The following EPB41L2 variants were observed in gnomAD, a reference collection of about 807,000 sequenced individuals.
The protein encoded by EPB41L2 is erythrocyte membrane protein band 4.1 like 2, also known as band 4.1-like protein 2.
In EPB41L2, 43 loss-of-function variants were observed where a neutral mutation model predicts 113.0. The observed-to-expected ratio is 0.38, with a 90% CI of 0.30 to 0.49. EPB41L2 has a LOEUF of 0.49. EPB41L2 is among the 20% of genes least tolerant of loss of function. The pLI is 0.95. For synonymous variants in EPB41L2, 442 were observed against 436.7 expected, an observed-to-expected ratio of 1.01 and a Z score of -0.15; for missense variants, 1,147 against 1,223.4, an observed-to-expected ratio of 0.94 and a Z score of 0.93.
intron 3 of EPB41L2, among the ~76,000 whole-genome samples, chr6:130,954,328 C>T (rs1816660430): frequency 6.6e-6 from 1 of 152,100 alleles, no homozygotes; most frequent in East Asian, 1.9e-4. Flanking sequence ...GCTGGGATTA[C>T]AGGCTTGAGC....
At chr6:130,976,730 A>G (rs917031855) in intron 1 of EPB41L2, among the ~76,000 whole-genome samples, 1 of 152,252 alleles carries the variant, frequency 6.6e-6, no homozygotes, top group Admixed American at 6.5e-5. Context: ...TACAAAAGTC[A>G]AAAGCACCAC....
chr6:130,864,997 T>C (rs764115281), intron 17 of EPB41L2, among the ~76,000 whole-genome samples: 2 of 152,220 alleles, frequency 1.3e-5, no homozygotes, highest in Non-Finnish European at 2.9e-5. Context: ...GGCCACGCTA[T>C]TTATACTTCT....
intron 1 of EPB41L2, among the ~76,000 whole-genome samples, chr6:131,057,650 C>T (rs985812152): frequency 2.6e-5 from 4 of 152,114 alleles, no homozygotes; most frequent in African/African-American, 9.7e-5. Context: ...AGTTGGTAAT[C>T]AGAACTATAT....
At chr6:130,897,917 G>C (rs559337135) in intron 8 of EPB41L2, among the ~76,000 whole-genome samples, 13 of 151,814 alleles carry the variant, frequency 8.6e-5, no homozygotes, top group African/African-American at 3.1e-4. Flanking sequence ...AAATGAGATG[G>C]TATGAAAGTA....
intron 1 of EPB41L2, among the ~76,000 whole-genome samples, chr6:131,009,407 G>A (rs532157364): frequency 3.2e-4 from 48 of 152,204 alleles, no homozygotes; most frequent in African/African-American, 1.1e-3. Flanking sequence ...ATAGCAGCAT[G>A]AGAACAGACT....
chr6:130,953,664 T>TAAA (rs60036274), intron 3 of EPB41L2, among the ~76,000 whole-genome samples: 1 of 147,938 alleles, frequency 6.8e-6, no homozygotes, highest in East Asian at 2.0e-4. Flanking sequence ...CTTAAAGTAT[T>TAAA]AAAAAAAAAA....
intron 3 of EPB41L2, among the ~76,000 whole-genome samples, chr6:130,953,675 C>CA (rs890616079): frequency 6.7e-6 from 1 of 150,068 alleles, no homozygotes; most frequent in South Asian, 2.1e-4. Flanking sequence ...AAAAAAAAAA[C>CA]AAAAAAGAGG....
At chr6:131,028,221 T>C (rs549663037) in intron 1 of EPB41L2, among the ~76,000 whole-genome samples, 2 of 152,314 alleles carry the variant, frequency 1.3e-5, no homozygotes, top group East Asian at 3.9e-4. Context: ...AAAATGATTA[T>C]TAGGCCACTT....
intron 19 of EPB41L2, among the ~76,000 whole-genome samples, chr6:130,852,189 T>G (rs1018219182): frequency 6.6e-6 from 1 of 152,178 alleles, no homozygotes; most frequent in African/African-American, 2.4e-5. Context: ...GCTTCTATTA[T>G]CATCCCCAGT....
chr6:130,869,756 G>C lies in EPB41L2; in HGVS notation c.2414C>G (p.Ala805Gly), dbSNP rs1785032043. 6.2e-7 allele frequency: 1 copy of C among 1,614,038 alleles called. No homozygotes were observed. Among genetic ancestry groups the C allele is most frequent in the Non-Finnish European group, 8.5e-7 (1 of 1,180,008 alleles). ...CACTGTTTCTACTGTGATTACACTGGCACCTGCTTGTGTGACTGGGCTGGC... is the reference window on the plus strand; with the variant it reads ...CACTGTTTCTACTGTGATTACACTGCCACCTGCTTGTGTGACTGGGCTGGC... ...PEASPVTQAGASVITVETVIQ... is the reference protein window; with the variant it reads ...PEASPVTQAGGSVITVETVIQ... Residue 805 changes from alanine (A) to glycine (G), a missense_variant, in exon 15 of 20, where the codon GCC (alanine) becomes GGC (glycine). Ala to Gly is a moderately conservative substitution (Grantham distance 60, BLOSUM62 0). Coordinates refer to ENST00000337057, the MANE Select transcript of EPB41L2 (RefSeq NM_001431.4).
At chr6:130,941,231 A>AT (rs1810766370) in intron 3 of EPB41L2, among the ~76,000 whole-genome samples, 1 of 152,188 alleles carries the variant, frequency 6.6e-6, no homozygotes, top group South Asian at 2.1e-4. Flanking sequence ...CAACCCTGTC[A>AT]TTAATTTTTT....
rs180851135 is a variant in EPB41L2 at position 130,920,827 on chromosome 6, T to C, written c.810+5778A>G. Among the ~76,000 whole-genome samples, 5 of 152,212 alleles carry C rather than the reference T, an allele frequency of 3.3e-5. No homozygotes were observed. The East Asian group carries it at 5.8e-4, about 18-fold the overall frequency. Reference sequence around the variant, plus strand: ...ACCTGGCCTCTCAAATTCTTTACTTTTAAATTTCTTCATCCTTCACCTACT... The same window carrying C: ...ACCTGGCCTCTCAAATTCTTTACTTCTAAATTTCTTCATCCTTCACCTACT... On this transcript the variant is annotated intron_variant, in intron 4 of 19. Coordinates refer to ENST00000337057, the MANE Select transcript of EPB41L2 (RefSeq NM_001431.4).
At chr6:130,905,170 T>G (rs961813023) in intron 5 of EPB41L2, among the ~76,000 whole-genome samples, 1 of 152,150 alleles carries the variant, frequency 6.6e-6, no homozygotes, top group Non-Finnish European at 1.5e-5. Context: ...CCATAAAGAA[T>G]GAATAAGTCA....
At chr6:131,037,585 A>ATTT (rs10685424) in intron 1 of EPB41L2, among the ~76,000 whole-genome samples, 6,119 of 122,592 alleles carry the variant, frequency 0.05, 292 homozygotes, top group African/African-American at 0.092. Context: ...AAAACCTAAA[A>ATTT]TTTTTTTTTT....
intron 1 of EPB41L2, among the ~76,000 whole-genome samples, chr6:131,056,750 A>G (rs1797673702): frequency 3.3e-5 from 5 of 152,206 alleles, no homozygotes; most frequent in Admixed American, 3.3e-4. Flanking sequence ...ACCCCTTACT[A>G]CAGCAAACGA....
intron 3 of EPB41L2, among the ~76,000 whole-genome samples, chr6:130,935,077 A>G (rs1390912530): frequency 6.6e-6 from 1 of 152,266 alleles, no homozygotes; most frequent in East Asian, 1.9e-4. Flanking sequence ...ATATTGGGGG[A>G]ATTTTGCAGT....
At chr6:130,844,172 T>A (rs1159004514) in intron 19 of EPB41L2, among the ~76,000 whole-genome samples, 1 of 152,176 alleles carries the variant, frequency 6.6e-6, no homozygotes, top group East Asian at 1.9e-4. Context: ...AATACAACAA[T>A]GCAAATAATA....
chr6:131,052,869 T>C (rs1259561977), intron 1 of EPB41L2, among the ~76,000 whole-genome samples: 4 of 151,724 alleles, frequency 2.6e-5, no homozygotes, highest in Admixed American at 2.6e-4. Context: ...TACAGAAACA[T>C]CAATTTGAAC....
chr6:130,989,661 C>G (rs7760822), intron 1 of EPB41L2, among the ~76,000 whole-genome samples: 1 of 152,140 alleles, frequency 6.6e-6, no homozygotes, highest in Admixed American at 6.5e-5. Flanking sequence ...AGACTAAAAA[C>G]TTAAATGGTT....
Sources: allele counts gnomAD v4.1 joint callset (sites outside exome capture counted in the v4.1 genomes callset), GRCh38; gene constraint gnomAD v4.1.1; transcripts MANE v1.5; gene names NCBI Gene and HGNC (gene_info 2026-07-23, HGNC 2026-07-21).